Variants in KIF4A observed in about 807,000 individuals in gnomAD.
The protein encoded by KIF4A is chromosome-associated kinesin KIF4A.
A neutral mutation model predicts 105.9 loss-of-function variants in KIF4A; 7 were observed. The observed-to-expected ratio is 0.07, with a 90% confidence interval of 0.04 to 0.12. KIF4A has a LOEUF of 0.12. Ranked by LOEUF, KIF4A falls within the 10% of genes least tolerant of loss-of-function variation. The pLI, the probability that KIF4A is intolerant of heterozygous loss-of-function variation, is 1.00. For synonymous variants in KIF4A, 281 were observed against 331.3 expected, an observed-to-expected ratio of 0.85 and a Z score of 1.65; for missense variants, 558 against 929.2, an observed-to-expected ratio of 0.60 and a Z score of 5.19.
Position 70,355,930 on chromosome X carries a change from G to A in KIF4A, c.1674+2123G>A, listed in dbSNP as rs777460895. 4.5e-5 allele frequency among the ~76,000 whole-genome samples: 5 copies of A among 111,932 alleles called. No homozygotes were observed. The East Asian group carries it at 1.4e-3, about 31-fold the overall frequency. The stretch of plus-strand genomic sequence containing the variant: ...ACCACTTTTTCCCCCTAGGTTAGAG[G>A]TTGCTTCCAAAATAATAACTGAGTT... On this transcript the variant is annotated intron_variant, in intron 15 of 30. Coordinates refer to ENST00000374403, the MANE Select transcript of KIF4A (RefSeq NM_012310.5).
intron 27 of KIF4A, 146 bp from the exon 28 acceptor site, chrX:70,406,747 T>C (rs1324359952): frequency 4.9e-6 from 3 of 611,697 alleles, no homozygotes; most frequent in Non-Finnish European, 7.6e-6. Flanking sequence ...TTCTTCTGAT[T>C]GGTAAAGCCA....
chrX:70,314,675 A>G (rs1259228392), intron 7 of KIF4A, among the ~76,000 whole-genome samples: 2 of 111,731 alleles, frequency 1.8e-5, no homozygotes, highest in Non-Finnish European at 3.8e-5. Context: ...GGACAATCAA[A>G]GAGCCACTAG....
intron 15 of KIF4A, among the ~76,000 whole-genome samples, chrX:70,371,903 C>T (rs1490201166): frequency 6.7e-5 from 7 of 103,736 alleles, no homozygotes; most frequent in Non-Finnish European, 1.2e-4. Context: ...GGTTGCCAGG[C>T]GGAGGGTCTC....
chrX:70,322,031 T>C (rs1602747992), intron 7 of KIF4A, among the ~76,000 whole-genome samples: 2 of 110,283 alleles, frequency 1.8e-5, no homozygotes, highest in Non-Finnish European at 3.8e-5. Context: ...ACCCAGGCTT[T>C]GTCCTGGGAT....
chrX:70,402,426 C>T (rs1045060282), intron 22 of KIF4A, 140 bp from the exon 23 acceptor site: 7 of 730,713 alleles, frequency 9.6e-6, no homozygotes, highest in Non-Finnish European at 1.4e-5. Flanking sequence ...AAATCCTAAC[C>T]AGATGACTTA....
At chrX:70,307,157 T>C (rs374083773) in intron 7 of KIF4A, among the ~76,000 whole-genome samples, 70 of 111,273 alleles carry the variant, frequency 6.3e-4, no homozygotes, top group African/African-American at 2.1e-3. Context: ...TTTTTTAATA[T>C]TTTTTGATAA....
At chrX:70,401,153 C>T (rs2086280444) in intron 22 of KIF4A, among the ~76,000 whole-genome samples, 1 of 100,712 alleles carries the variant, frequency 9.9e-6, no homozygotes. Flanking sequence ...AATCTCAGCT[C>T]GCTGCAACCT....
intron 18 of KIF4A, among the ~76,000 whole-genome samples, chrX:70,378,737 A>G (rs2086185025): frequency 9.1e-6 from 1 of 110,241 alleles, no homozygotes; most frequent in Admixed American, 9.8e-5. Flanking sequence ...AAAAAAAAAA[A>G]AGGATTAAAG....
intron 28 of KIF4A, among the ~76,000 whole-genome samples, chrX:70,409,627 T>C (rs2086313667): frequency 9.1e-6 from 1 of 109,439 alleles, no homozygotes; most frequent in Non-Finnish European, 1.9e-5. Flanking sequence ...CGAAACCCCA[T>C]CTCTACTAAA....
Position 70,376,144 on chromosome X carries a change from A to C in KIF4A, c.1968A>C (p.Glu656Asp), listed in dbSNP as rs781480987. ...QRVQLMRQMK[E>D]DAEKFRQWKQ... ...TACAGTTAATGCGTCAAATGAAAGA[A>C]GATGCTGAGAAGTTTAGACAGTGGA... Residue 656 changes from glutamate (E) to aspartate (D), a missense_variant, in exon 18 of 31, where the codon GAA becomes GAC. Around this residue, in one of 2 missense-constraint regions of KIF4A, gnomAD observed 469 missense variants for 680.4 expected, o/e 0.69. Transcript: ENST00000374403. 12 of 1,209,375 alleles carry C rather than the reference A, an allele frequency of 9.9e-6. No individual in the cohort carries two copies. Among genetic ancestry groups the C allele is most frequent in the Non-Finnish European group, 1.0e-5 (9 of 893,534 alleles).
At chrX:70,325,261 G>T (rs376780748) in intron 7 of KIF4A, among the ~76,000 whole-genome samples, 1 of 111,229 alleles carries the variant, frequency 9.0e-6, no homozygotes, top group South Asian at 3.8e-4. Flanking sequence ...GAATATTATA[G>T]GTATGTTTAT....
intron 13 of KIF4A, among the ~76,000 whole-genome samples, chrX:70,350,237 C>T (rs1313011008): frequency 9.0e-6 from 1 of 111,436 alleles, no homozygotes; most frequent in African/African-American, 3.3e-5. Flanking sequence ...GCAATCCCAG[C>T]ACCTCGGGAG....
chrX:70,377,655 G>A (rs1010040509), intron 18 of KIF4A, among the ~76,000 whole-genome samples: 7 of 112,595 alleles, frequency 6.2e-5, no homozygotes, highest in African/African-American at 2.3e-4. Flanking sequence ...ATTGAAACAG[G>A]CCATGCATGG....
At position 70,420,064 on chromosome X, in the gene KIF4A, C is replaced by A. The variant is rs1386473056; in HGVS notation, c.3498C>A (p.Ile1166=). The A allele has an allele frequency of 8.3e-7, 1 of 1,209,697 alleles. No homozygotes were observed. The highest frequency in any genetic ancestry group is 1.7e-5 in the African/African-American group (1 of 57,649). ...ATACCTGTCTCTGTCCCTCCTAGAT[C>A]CTGAAAGAGATGTGCGATGTGGAGC... The part of the protein sequence containing the change: ...NPVCATPNSK[I]LKEMCDVEQV... The change falls in exon 31 of 31, where the codon ATC becomes ATA. Residue 1166 remains isoleucine (I), a splice_region_variant and synonymous_variant. Coordinates refer to ENST00000374403, the MANE Select transcript of KIF4A (RefSeq NM_012310.5).
chrX:70,340,543 G>A (rs947080315), intron 10 of KIF4A, among the ~76,000 whole-genome samples: 1 of 108,893 alleles, frequency 9.2e-6, no homozygotes, highest in Non-Finnish European at 1.9e-5. Context: ...GTTTAATAAA[G>A]AAATAACGAA....
chrX:70,353,161 A>G (rs943140592), intron 14 of KIF4A, among the ~76,000 whole-genome samples: 7 of 112,435 alleles, frequency 6.2e-5, no homozygotes, highest in African/African-American at 1.6e-4. Flanking sequence ...GAAAGGCTGG[A>G]TGATGGATTG....
intron 15 of KIF4A, among the ~76,000 whole-genome samples, chrX:70,360,998 T>C (rs771923195): frequency 2.7e-5 from 3 of 112,560 alleles, no homozygotes; most frequent in Non-Finnish European, 5.6e-5. Flanking sequence ...GGATGTGGGC[T>C]CAGGAGGCTA....
At chrX:70,343,651 A>G in intron 11 of KIF4A, 52 bp from the exon 12 acceptor site, 1 of 1,088,670 alleles carries the variant, frequency 9.2e-7, no homozygotes, top group Non-Finnish European at 1.3e-6. Context: ...GAGCATAATT[A>G]TGTGAGGCTG....
At chrX:70,336,558 G>A (rs760408494) in intron 10 of KIF4A, among the ~76,000 whole-genome samples, 14 of 111,294 alleles carry the variant, frequency 1.3e-4, no homozygotes, top group Non-Finnish European at 2.3e-4. Context: ...AGTCTGATAG[G>A]TGAGAAATGC....
Sources: gnomAD v4.1 joint callset for allele counts (sites outside exome capture counted in the v4.1 genomes callset) on GRCh38, gnomAD v4.1.1 for gene constraint, gnomAD v4.1.1 regional missense constraint, MANE v1.5 for transcripts, NCBI Gene and HGNC (gene_info 2026-07-23, HGNC 2026-07-21) for gene names.